Variants in SDK1 observed in about 807,000 individuals in gnomAD.
SDK1 encodes protein sidekick-1.
SDK1 carries 157 observed loss-of-function variants against 245.5 expected under a neutral mutation model. That is an observed-to-expected ratio of 0.64 (90% CI 0.56 to 0.73). The LOEUF (loss-of-function observed/expected upper bound fraction) is 0.73, where lower values mean the gene tolerates loss of function less well. SDK1 is among the 30% of genes least tolerant of loss of function. The pLI, the probability that SDK1 is intolerant of heterozygous loss-of-function variation, is 0.00. For synonymous variants in SDK1, 1,647 were observed against 1,278.5 expected (o/e 1.29, Z -6.15); for missense variants, 3,583 against 3,002.3 (o/e 1.19, Z -4.52).
At chr7:4,066,145 C>T (rs948483749) in intron 19 of SDK1, among the ~76,000 whole-genome samples, 2 of 152,136 alleles carry the variant, frequency 1.3e-5, no homozygotes, top group African/African-American at 4.8e-5. Context: ...TTCTTTTCCT[C>T]CCTTTTCCCC....
chr7:3,756,632 G>A (rs1350264037), intron 4 of SDK1, among the ~76,000 whole-genome samples: 1 of 151,884 alleles, frequency 6.6e-6, no homozygotes, highest in Non-Finnish European at 1.5e-5. Flanking sequence ...TCCTGCCCCA[G>A]GATCCTATCT....
chr7:3,886,211 G>C (rs1357114048), intron 5 of SDK1, among the ~76,000 whole-genome samples: 4 of 152,200 alleles, frequency 2.6e-5, no homozygotes, highest in African/African-American at 7.2e-5. Context: ...AGTCACCTTT[G>C]TTCAGTGCTG....
At chr7:3,970,933 C>T (rs1360634057) in intron 11 of SDK1, among the ~76,000 whole-genome samples, 1 of 152,190 alleles carries the variant, frequency 6.6e-6, no homozygotes, top group Non-Finnish European at 1.5e-5. Context: ...CACAGGCAAG[C>T]TGGGGGTCCC....
At chr7:3,789,852 A>G (rs1303825380) in intron 4 of SDK1, among the ~76,000 whole-genome samples, 1 of 151,732 alleles carries the variant, frequency 6.6e-6, no homozygotes, top group Non-Finnish European at 1.5e-5. Context: ...TGTTGCAGTC[A>G]GAGAGCCTGC....
At chr7:3,816,203 A>G (rs897259401) in intron 4 of SDK1, among the ~76,000 whole-genome samples, 1 of 151,416 alleles carries the variant, frequency 6.6e-6, no homozygotes, top group African/African-American at 2.4e-5. Context: ...AGCAAGAGCA[A>G]ACACATTCAA....
At chr7:3,988,144 T>G (rs1435522803) in intron 14 of SDK1, among the ~76,000 whole-genome samples, 8 of 145,502 alleles carry the variant, frequency 5.5e-5, no homozygotes, top group Non-Finnish European at 9.1e-5. Context: ...TTTTTTTTTT[T>G]TTTTTTTTTT....
intron 40 of SDK1, among the ~76,000 whole-genome samples, chr7:4,226,329 C>G (rs551011437): frequency 6.6e-6 from 1 of 152,204 alleles, no homozygotes; most frequent in Non-Finnish European, 1.5e-5. Context: ...CCTGATGTCT[C>G]TCTATCCAGC....
In SDK1 at chr7:4,077,152, G is replaced by T; in HGVS notation, c.3165G>T (p.Leu1055=). The T allele has an allele frequency of 6.2e-7, 1 of 1,614,218 alleles. No individual in the cohort carries two copies. The highest frequency in any genetic ancestry group is 8.5e-7 in the Non-Finnish European group (1 of 1,180,044). ...CTGTGACTGCCGTGGGCACTGGCCT[G>T]GTGACTTCATCCACCATTTCTTCTG... is the stretch of plus-strand genomic sequence containing the variant. ...VAAVTAVGTG[L]VTSSTISSGV... The change falls in exon 21 of 45, where the codon CTG becomes CTT. Residue 1055 remains leucine (L), a synonymous_variant. Transcript: ENST00000404826.
At chr7:3,515,001 CATA>C (rs1490986503) in intron 1 of SDK1, among the ~76,000 whole-genome samples, 1 of 152,144 alleles carries the variant, frequency 6.6e-6, no homozygotes, top group Non-Finnish European at 1.5e-5. Flanking sequence ...GTAAAGTTTT[CATA>C]ATGAGGCATT....
intron 13 of SDK1, among the ~76,000 whole-genome samples, chr7:3,978,318 T>C (rs1418093345): frequency 6.6e-6 from 1 of 152,200 alleles, no homozygotes; most frequent in African/African-American, 2.4e-5. Flanking sequence ...GTCTACTGAT[T>C]TACATGTCTT....
intron 1 of SDK1, among the ~76,000 whole-genome samples, chr7:3,580,901 G>A (rs1334407084): frequency 7.4e-6 from 1 of 135,468 alleles, no homozygotes; most frequent in Non-Finnish European, 1.5e-5. Context: ...TGAGGAGGCA[G>A]AAGTTGCAGA....
chr7:3,749,821 G>A (rs1779726594), intron 4 of SDK1, among the ~76,000 whole-genome samples: 1 of 152,034 alleles, frequency 6.6e-6, no homozygotes, highest in South Asian at 2.1e-4. Context: ...GGCAGAAGCT[G>A]TCTTGGTGTA....
At chr7:4,214,633 A>G (rs928911358) in intron 38 of SDK1, among the ~76,000 whole-genome samples, 1 of 151,858 alleles carries the variant, frequency 6.6e-6, no homozygotes, top group Non-Finnish European at 1.5e-5. Flanking sequence ...GTCAGGAAGA[A>G]CAAGCCATGC....
intron 1 of SDK1, among the ~76,000 whole-genome samples, chr7:3,395,027 C>G (rs963907608): frequency 5.9e-5 from 9 of 152,060 alleles, no homozygotes; most frequent in East Asian, 1.9e-4. Flanking sequence ...GCTTCCAGTG[C>G]TGTGCTGAAT....
chr7:3,497,976 G>A (rs1052201990), intron 1 of SDK1, among the ~76,000 whole-genome samples: 2 of 152,178 alleles, frequency 1.3e-5, no homozygotes, highest in Admixed American at 1.3e-4. Flanking sequence ...TTATCACGGA[G>A]ACAGCTTTAT....
intron 30 of SDK1, among the ~76,000 whole-genome samples, chr7:4,153,690 G>A (rs1261401307): frequency 6.6e-6 from 1 of 152,084 alleles, no homozygotes; most frequent in Non-Finnish European, 1.5e-5. Context: ...TTGTTTGGTT[G>A]GTTGTTTTAT....
chr7:3,953,181 A>G (rs1340474815), intron 7 of SDK1, among the ~76,000 whole-genome samples: 1 of 152,030 alleles, frequency 6.6e-6, no homozygotes, highest in African/African-American at 2.4e-5. Context: ...AAAAAAAAAA[A>G]AAAGCTTGTG....
chr7:3,997,276 G>A (rs1422132394), intron 14 of SDK1, among the ~76,000 whole-genome samples: 1 of 152,184 alleles, frequency 6.6e-6, no homozygotes, highest in Non-Finnish European at 1.5e-5. Context: ...TGGAGGGTGA[G>A]GAAGATGAAG....
chr7:4,177,485 G>T (rs75651182), intron 34 of SDK1, among the ~76,000 whole-genome samples: 8,888 of 152,296 alleles, frequency 0.058, 320 homozygotes, highest in Non-Finnish European at 0.069. Context: ...CCAGGACACG[G>T]CCGCTAAGGT....
Sources: gnomAD v4.1 joint callset for allele counts (sites outside exome capture counted in the v4.1 genomes callset) on GRCh38, gnomAD v4.1.1 for gene constraint, MANE v1.5 for transcripts, NCBI Gene and HGNC (gene_info 2026-07-23, HGNC 2026-07-21) for gene names.